Variants in BAZ1A observed in about 807,000 individuals in gnomAD.
BAZ1A encodes bromodomain adjacent to zinc finger domain 1A.
In BAZ1A, 50 loss-of-function variants were observed where a neutral mutation model predicts 185.2. The observed-to-expected ratio is 0.27, with a 90% CI of 0.22 to 0.34. BAZ1A has a LOEUF of 0.34. Ranked by LOEUF, BAZ1A falls within the 10% of genes least tolerant of loss-of-function variation. The pLI is 1.00. For synonymous variants in BAZ1A, 571 were observed against 615.6 expected, an observed-to-expected ratio of 0.93 and a Z score of 1.07; for missense variants, 1,356 against 1,839.9, an observed-to-expected ratio of 0.74 and a Z score of 4.81.
chr14:34,812,397 C>G (rs1423132873), intron 4 of BAZ1A, among the ~76,000 whole-genome samples: 1 of 152,168 alleles, frequency 6.6e-6, no homozygotes, highest in South Asian at 2.1e-4. Context: ...GATGTAGCAG[C>G]AGTGCCAGAT....
intron 17 of BAZ1A, among the ~76,000 whole-genome samples, chr14:34,777,258 T>C (rs1879691584): frequency 6.6e-6 from 1 of 152,234 alleles, no homozygotes; most frequent in Non-Finnish European, 1.5e-5. Context: ...ATGGCTGTGG[T>C]TCAATGTAAC....
In BAZ1A at chr14:34,785,881, C is replaced by T. The variant is rs776583719; in HGVS notation, c.1727G>A (p.Arg576Gln). 1.1e-5 allele frequency: 18 copies of T among 1,613,950 alleles called. No homozygotes were observed. The highest frequency in any genetic ancestry group is 1.7e-5 in the Admixed American group (1 of 59,988). Residue 576 changes from arginine to glutamine, a missense_variant, in exon 14 of 27, where the codon CGA becomes CAA. Physicochemically the swap from Arg to Gln is conservative, Grantham distance 43. Around this residue, in one of 7 missense-constraint regions of BAZ1A, gnomAD observed 184 missense variants for 355.1 expected, o/e 0.52. Transcript: ENST00000360310. ...SANAKYRYQKRGGFDATDDAC... is the reference protein window; with the variant it reads ...SANAKYRYQKQGGFDATDDAC... The stretch of plus-strand genomic sequence containing the variant: ...ATCATCTGTAGCATCAAATCCTCCT[C>T]GTTTTTGATATCTATACTTTGCATT...
At chr14:34,788,593 C>T (rs1202488866) in intron 12 of BAZ1A, among the ~76,000 whole-genome samples, 2 of 152,120 alleles carry the variant, frequency 1.3e-5, no homozygotes, top group African/African-American at 4.8e-5. Flanking sequence ...TGTGAGCCAC[C>T]ATGCCCGGCC....
chr14:34,843,454 A>G (rs1453106221), intron 3 of BAZ1A, among the ~76,000 whole-genome samples: 2 of 152,152 alleles, frequency 1.3e-5, no homozygotes, highest in Non-Finnish European at 2.9e-5. Context: ...AATAGGTCAC[A>G]TGGAAGTGGA....
intron 12 of BAZ1A, 90 bp downstream of exon 12, chr14:34,792,685 A>T (rs1161668495): frequency 7.0e-7 from 1 of 1,425,368 alleles, no homozygotes; most frequent in African/African-American, 1.4e-5. Context: ...TTATAAGCAT[A>T]AAAGCCAATT....
chr14:34,769,612 T>C (rs1021027624), intron 21 of BAZ1A, among the ~76,000 whole-genome samples: 1 of 152,086 alleles, frequency 6.6e-6, no homozygotes, highest in African/African-American at 2.4e-5. Context: ...AATTTGATTT[T>C]CCCCCCTTCA....
chr14:34,760,316 C>G (rs1020738161), intron 24 of BAZ1A, among the ~76,000 whole-genome samples: 1 of 152,116 alleles, frequency 6.6e-6, no homozygotes, highest in Non-Finnish European at 1.5e-5. Context: ...ATAGGAAAAG[C>G]TAAATTAGAT....
At chr14:34,824,403 C>CAAG (rs2042133433) in intron 4 of BAZ1A, among the ~76,000 whole-genome samples, 1 of 25,378 alleles carries the variant, frequency 3.9e-5, no homozygotes, top group Non-Finnish European at 8.0e-5. Context: ...AAAAAAGCAG[C>CAAG]AACTCAAAAA....
intron 12 of BAZ1A, among the ~76,000 whole-genome samples, chr14:34,788,592 C>T (rs61612362): frequency 0.022 from 3,323 of 152,234 alleles, 140 homozygotes; most frequent in African/African-American, 0.076. Context: ...GTGTGAGCCA[C>T]CATGCCCGGC....
At chr14:34,794,944 G>A in intron 10 of BAZ1A, 57 bp from the exon 11 acceptor site, 1 of 1,584,546 alleles carries the variant, frequency 6.3e-7, no homozygotes, top group Non-Finnish European at 8.6e-7. Context: ...AAACTTAAAA[G>A]GCAGAGATGA....
At chr14:34,777,622 G>A (rs1879727604) in intron 17 of BAZ1A, among the ~76,000 whole-genome samples, 1 of 148,762 alleles carries the variant, frequency 6.7e-6, no homozygotes, top group East Asian at 2.0e-4. Flanking sequence ...CCACCCTGGG[G>A]GATAGAGTGA....
chr14:34,830,723 G>C (rs1215452358), intron 3 of BAZ1A, among the ~76,000 whole-genome samples: 2 of 150,766 alleles, frequency 1.3e-5, no homozygotes, highest in African/African-American at 4.9e-5. Context: ...ATATAAAGGA[G>C]AGAGAGCATT....
At chr14:34,835,917 C>T (rs1304374864) in intron 3 of BAZ1A, among the ~76,000 whole-genome samples, 1 of 151,650 alleles carries the variant, frequency 6.6e-6, no homozygotes, top group East Asian at 1.9e-4. Context: ...GTGATCTGCC[C>T]GCCTCAGCCT....
chr14:34,775,444 A>T (rs1337324287), intron 18 of BAZ1A, among the ~76,000 whole-genome samples: 1 of 152,136 alleles, frequency 6.6e-6, no homozygotes, highest in Non-Finnish European at 1.5e-5. Context: ...GCTTTTTCTT[A>T]TTTGTCATCA....
At chr14:34,801,801 C>G (rs1389808856) in intron 7 of BAZ1A, among the ~76,000 whole-genome samples, 1 of 151,482 alleles carries the variant, frequency 6.6e-6, no homozygotes, top group Admixed American at 6.6e-5. Context: ...CCCAGCTACT[C>G]AGGAGGCTGA....
In BAZ1A at chr14:34,754,798, A is replaced by G. The variant is rs1269591656; in HGVS notation, c.4474+29T>C. 2.7e-6 allele frequency: 4 copies of G among 1,467,052 alleles called. No individual in the cohort carries two copies. The African/African-American group carries it at 5.7e-5, about 21-fold the overall frequency. 90.9% of individuals were successfully genotyped at this position (1,467,052 alleles called of 1,614,324 possible). ...TATAACAAAATGCCTTAGAAAAATA[A>G]ATATCAAAGAAAAACATAAATTACT... On this transcript the variant is annotated intron_variant, in intron 26 of 26. Transcript: ENST00000360310.
intron 3 of BAZ1A, among the ~76,000 whole-genome samples, chr14:34,832,215 C>CACATATATATATATATATATATATAT: frequency 1.5e-3 from 135 of 89,554 alleles, no homozygotes; most frequent in Admixed American, 4.8e-3. Flanking sequence ...CACACACACA[C>CACATATATATATATATATATATATAT]ATATATATAT....
chr14:34,841,600 G>C (rs1443452277), intron 3 of BAZ1A, among the ~76,000 whole-genome samples: 1 of 152,148 alleles, frequency 6.6e-6, no homozygotes, highest in Non-Finnish European at 1.5e-5. Flanking sequence ...ATGTTGGCCA[G>C]GCTGGTCTCA....
intron 15 of BAZ1A, 50 bp downstream of exon 15, chr14:34,783,712 C>A: frequency 6.4e-7 from 1 of 1,569,938 alleles, no homozygotes; most frequent in Non-Finnish European, 8.6e-7. Context: ...GTTTTAAATG[C>A]AAAGAAATAA....
Sources: gnomAD v4.1 joint callset for allele counts (sites outside exome capture counted in the v4.1 genomes callset) on GRCh38, gnomAD v4.1.1 for gene constraint, gnomAD v4.1.1 regional missense constraint, MANE v1.5 for transcripts, NCBI Gene and HGNC (gene_info 2026-07-23, HGNC 2026-07-21) for gene names.